PRKN: variants seen among roughly 807,000 people sequenced by gnomAD.
PRKN encodes parkin RBR E3 ubiquitin protein ligase.
In PRKN, 56 loss-of-function variants were observed where a neutral mutation model predicts 59.5. The ratio of observed to expected loss-of-function variants is 0.94; its 90% confidence interval spans 0.76 to 1.18. PRKN has a LOEUF of 1.18. Among genes scored for constraint, PRKN ranks in the 50% most tolerant of loss-of-function variants. The pLI is 0.00. For missense variants in PRKN, 657 were observed against 596.4 expected (o/e 1.10, Z -1.06); for synonymous variants, 250 against 222.1 (o/e 1.13, Z -1.12).
In PRKN at chr6:162,644,551, T is replaced by C. The variant is rs369928789; in HGVS notation, c.7+83111A>G. Among the ~76,000 whole-genome samples the C allele has an allele frequency of 2.6e-5, 4 of 152,030 alleles. No individual in the cohort carries two copies. The South Asian group carries it at 6.2e-4, about 24-fold the overall frequency. On this transcript the variant is annotated intron_variant, in intron 1 of 11. Transcript: ENST00000366898. ...CAAAGCCTTAACCTTCCATAAAAAA[T>C]AACCGTTGAATATTTTCAGAAAGGC...
chr6:161,723,328 A>T (rs1014481500), intron 7 of PRKN, among the ~76,000 whole-genome samples: 4 of 152,016 alleles, frequency 2.6e-5, no homozygotes, highest in Non-Finnish European at 5.9e-5. Context: ...ATCACTGTTT[A>T]TTACAAATCC....
intron 1 of PRKN, among the ~76,000 whole-genome samples, chr6:162,638,565 T>A (rs1204607484): frequency 6.6e-6 from 1 of 152,122 alleles, no homozygotes; most frequent in East Asian, 1.9e-4. Flanking sequence ...AGCTTCTCTA[T>A]CTTCAGTTTT....
At chr6:162,684,992 A>C (rs1297852495) in intron 1 of PRKN, among the ~76,000 whole-genome samples, 3 of 152,158 alleles carry the variant, frequency 2.0e-5, no homozygotes, top group African/African-American at 7.2e-5. Context: ...AAAAAAGAAA[A>C]TTTGTAATTT....
chr6:161,555,341 G>A (rs548856829), intron 8 of PRKN, among the ~76,000 whole-genome samples: 11 of 152,060 alleles, frequency 7.2e-5, no homozygotes, highest in South Asian at 2.1e-4. Context: ...TTCTACATTC[G>A]CTGCATCATT....
chr6:162,648,236 T>C (rs1484483740), intron 1 of PRKN, among the ~76,000 whole-genome samples: 1 of 152,158 alleles, frequency 6.6e-6, no homozygotes, highest in Non-Finnish European at 1.5e-5. Context: ...AAAAAATAGA[T>C]TTTATAATCA....
intron 2 of PRKN, among the ~76,000 whole-genome samples, chr6:162,333,673 C>T (rs1193503477): frequency 2.0e-5 from 3 of 152,116 alleles, no homozygotes; most frequent in Non-Finnish European, 2.9e-5. Flanking sequence ...TAGCCTGAGA[C>T]GCAACTATAC....
intron 7 of PRKN, among the ~76,000 whole-genome samples, chr6:161,764,801 G>A (rs1222186147): frequency 1.3e-5 from 2 of 152,056 alleles, no homozygotes; most frequent in Non-Finnish European, 2.9e-5. Flanking sequence ...AAATCCCTCA[G>A]GCATCAAAAT....
intron 6 of PRKN, among the ~76,000 whole-genome samples, chr6:161,835,325 G>T (rs1192454536): frequency 1.3e-5 from 2 of 152,054 alleles, no homozygotes; most frequent in South Asian, 4.2e-4. Flanking sequence ...GCTTCCTGGG[G>T]CAGGGAAAAT....
intron 2 of PRKN, among the ~76,000 whole-genome samples, chr6:162,440,983 A>T (rs1004961221): frequency 2.0e-5 from 3 of 152,088 alleles, no homozygotes; most frequent in African/African-American, 7.2e-5. Flanking sequence ...CCTAGTCTTT[A>T]CAGTGAAACT....
chr6:161,620,827 A>G lies in PRKN; in HGVS notation c.872-51411T>C, dbSNP rs965872866. Among the ~76,000 whole-genome samples the G allele has an allele frequency of 3.3e-5, 5 of 152,312 alleles. No individual in the cohort carries two copies. In the East Asian group the frequency reaches 9.7e-4, roughly 29 times the overall value. On this transcript the variant is annotated intron_variant, in intron 7 of 11. Coordinates refer to ENST00000366898, the MANE Select transcript of PRKN (RefSeq NM_004562.3). ...TCTTGGCAAGCACTGGGCCAGAGAC[A>G]ACGTGTCTTTGGTTTACAGAGAAGT...
chr6:161,651,024 A>C (rs951421618), intron 7 of PRKN, among the ~76,000 whole-genome samples: 1 of 152,152 alleles, frequency 6.6e-6, no homozygotes, highest in Non-Finnish European at 1.5e-5. Flanking sequence ...CTTTTGTTAA[A>C]TTTTCATATG....
intron 2 of PRKN, among the ~76,000 whole-genome samples, chr6:162,406,136 C>T (rs984730803): frequency 6.6e-6 from 1 of 152,180 alleles, no homozygotes; most frequent in Non-Finnish European, 1.5e-5. Flanking sequence ...ATGTGCCAGG[C>T]ACCAAACTCA....
At chr6:162,215,797 G>GCTTTGGGAGGGCAAGGTGGGTGCC (rs1777620376) in intron 3 of PRKN, among the ~76,000 whole-genome samples, 1 of 152,152 alleles carries the variant, frequency 6.6e-6, no homozygotes, top group South Asian at 2.1e-4. Context: ...TGTGATACCA[G>GCTTTGGGAGGGCAAGGTGGGTGCC]CACTTTGGGA....
intron 2 of PRKN, among the ~76,000 whole-genome samples, chr6:162,317,750 G>A (rs1782812314): frequency 1.3e-5 from 2 of 151,832 alleles, no homozygotes; most frequent in South Asian, 4.2e-4. Flanking sequence ...GGCAAAGGAT[G>A]GTCGAGATAC....
At chr6:162,391,145 CT>C (rs1787164476) in intron 2 of PRKN, among the ~76,000 whole-genome samples, 1 of 152,146 alleles carries the variant, frequency 6.6e-6, no homozygotes, top group Non-Finnish European at 1.5e-5. Flanking sequence ...TCTCGAAAAT[CT>C]GCAATGACTT....
chr6:162,008,269 A>C (rs909373976), intron 5 of PRKN, among the ~76,000 whole-genome samples: 1 of 152,288 alleles, frequency 6.6e-6, no homozygotes, highest in Admixed American at 6.5e-5. Context: ...GCTTGGAGGC[A>C]GAATGCCTGC....
intron 7 of PRKN, among the ~76,000 whole-genome samples, chr6:161,692,283 A>T (rs1010389334): frequency 6.6e-6 from 1 of 152,220 alleles, no homozygotes; most frequent in African/African-American, 2.4e-5. Context: ...GAAAAAAAAT[A>T]GTAAAAACCC....
chr6:162,261,827 A>G (rs2128099764), intron 3 of PRKN, among the ~76,000 whole-genome samples: 1 of 152,166 alleles, frequency 6.6e-6, no homozygotes, highest in South Asian at 2.1e-4. Flanking sequence ...AAGTTCCTTA[A>G]ATTTTATTTA....
chr6:161,738,997 T>C (rs867715412), intron 7 of PRKN, among the ~76,000 whole-genome samples: 2 of 152,160 alleles, frequency 1.3e-5, no homozygotes, highest in Non-Finnish European at 2.9e-5. Context: ...GGGTTACTGG[T>C]CAAAGCCCCT....
Sources: gnomAD v4.1 joint callset for allele counts (sites outside exome capture counted in the v4.1 genomes callset) on GRCh38, gnomAD v4.1.1 for gene constraint, MANE v1.5 for transcripts, NCBI Gene and HGNC (gene_info 2026-07-23, HGNC 2026-07-21) for gene names.